The following USP7 variants were observed in gnomAD, a reference collection of about 807,000 sequenced individuals.
USP7 encodes ubiquitin specific peptidase 7, also known as ubiquitin C-terminal hydrolase 7.
A neutral mutation model predicts 162.9 loss-of-function variants in USP7; 9 were observed. That is an observed-to-expected ratio of 0.06 (90% CI 0.03 to 0.10). USP7 has a LOEUF of 0.10. USP7 is among the 10% of genes least tolerant of loss of function. USP7 has a pLI of 1.00. For missense variants in USP7, 715 were observed against 1,373.7 expected (o/e 0.52, Z 7.58); for synonymous variants, 562 against 475.9 (o/e 1.18, Z -2.35).
At chr16:8,898,678 A>T in intron 23 of USP7, 39 bp from the exon 24 acceptor site, 1 of 1,491,768 alleles carries the variant, frequency 6.7e-7, no homozygotes, top group East Asian at 2.3e-5. Context: ...TGACTTGTTT[A>T]TTTGCCTAAA....
chr16:8,903,964 C>T (rs756662094), intron 15 of USP7, among the ~76,000 whole-genome samples: 2 of 152,144 alleles, frequency 1.3e-5, no homozygotes, highest in Non-Finnish European at 1.5e-5. Context: ...AGACAGCCAA[C>T]GGTGAGATGA....
intron 1 of USP7, among the ~76,000 whole-genome samples, chr16:8,937,667 G>A (rs1038174575): frequency 6.6e-6 from 1 of 152,182 alleles, no homozygotes; most frequent in African/African-American, 2.4e-5. Context: ...GGGCAACAAA[G>A]CAAGACCCTG....
chr16:8,895,491 A>C, intron 27 of USP7, 151 bp downstream of exon 27: 1 of 760,144 alleles, frequency 1.3e-6, no homozygotes, highest in Non-Finnish European at 2.2e-6. Context: ...CTGTGCAAAA[A>C]CACTGTAGGT....
intron 1 of USP7, 45 bp downstream of exon 1, chr16:8,963,162 G>A (rs1421253210): frequency 2.2e-6 from 3 of 1,379,916 alleles, no homozygotes; most frequent in African/African-American, 3.1e-5. Context: ...CGGCCACAAT[G>A]AAAGGCGCCC....
chr16:8,893,645 G>A lies in USP7; in HGVS notation c.*353C>T. ...GCAGGGCTGGTGCACGGGACCCCAG[G>A]AAGGCAGCCGAGCCACTCGTGCCCA... On this transcript the variant is annotated 3_prime_UTR_variant, in exon 31 of 31. Coordinates refer to ENST00000344836, the MANE Select transcript of USP7 (RefSeq NM_003470.3). 4.2e-6 allele frequency: 1 copy of A among 238,460 alleles called. No individual in the cohort carries two copies. The highest frequency in any genetic ancestry group is 8.5e-6 in the Non-Finnish European group (1 of 117,838). 14.8% of individuals were successfully genotyped at this position (238,460 alleles called of 1,614,324 possible). A position where few individuals can be genotyped will look rare whatever the true frequency, so the allele number is the denominator to read the frequency against.
chr16:8,955,031 G>A (rs926524999), intron 1 of USP7, among the ~76,000 whole-genome samples: 2 of 152,176 alleles, frequency 1.3e-5, no homozygotes, highest in Non-Finnish European at 2.9e-5. Flanking sequence ...CAGCTACCAC[G>A]AGATGAATGA....
chr16:8,909,350 G>A (rs1258010385), intron 11 of USP7, among the ~76,000 whole-genome samples: 2 of 152,204 alleles, frequency 1.3e-5, no homozygotes, highest in Non-Finnish European at 2.9e-5. Flanking sequence ...ACCATGACAA[G>A]GCACACCCAT....
At chr16:8,933,943 G>A (rs1385447363) in intron 1 of USP7, among the ~76,000 whole-genome samples, 1 of 151,950 alleles carries the variant, frequency 6.6e-6, no homozygotes, top group Non-Finnish European at 1.5e-5. Context: ...TTTTAGTAGA[G>A]ACAGGGTTTC....
intron 10 of USP7, among the ~76,000 whole-genome samples, chr16:8,912,609 T>A (rs572456136): frequency 6.6e-6 from 1 of 150,838 alleles, no homozygotes; most frequent in East Asian, 2.0e-4. Context: ...CAACTATACT[T>A]AAGTCCAAAG....
rs376237187 is a variant in USP7 at position 8,894,534 on chromosome 16, G to T, written c.3202+16C>A. ...CTGAAACCCACACCAGCCCCCGGGG[G>T]GGGGAGAACCCTTACCGGGCTGTGG... On this transcript the variant is annotated intron_variant, in intron 30 of 30. Transcript: ENST00000344836. 4 of 1,609,448 alleles carry T rather than the reference G, an allele frequency of 2.5e-6. No individual in the cohort carries two copies. The highest frequency in any genetic ancestry group is 1.3e-5 in the African/African-American group (1 of 74,728).
At chr16:8,927,797 C>A (rs1352371502) in intron 2 of USP7, among the ~76,000 whole-genome samples, 1 of 152,218 alleles carries the variant, frequency 6.6e-6, no homozygotes, top group Non-Finnish European at 1.5e-5. Flanking sequence ...GATCTTGCCA[C>A]TGTACTCTAG....
At chr16:8,898,100 C>T (rs948616501) in intron 25 of USP7, among the ~76,000 whole-genome samples, 14 of 152,088 alleles carry the variant, frequency 9.2e-5, no homozygotes, top group African/African-American at 3.1e-4. Flanking sequence ...AGTGGCAATG[C>T]GCAAGCATCA....
rs1897613951 is a variant in USP7 at position 8,920,235 on chromosome 16, A to G, written c.611+124T>C. ...AAGCAGGTGTGACTCTGTGTGCCAC[A>G]GGGCAAGCGCAGAGAGGAGGCTTAC... On this transcript the variant is annotated intron_variant, in intron 5 of 30. Coordinates refer to ENST00000344836, the MANE Select transcript of USP7 (RefSeq NM_003470.3). 3 of 800,364 alleles carry G rather than the reference A, an allele frequency of 3.7e-6. No individual in the cohort carries two copies. In the Admixed American group the frequency reaches 7.8e-5, roughly 21 times the overall value. 49.6% of individuals were successfully genotyped at this position (800,364 alleles called of 1,614,324 possible).
chr16:8,963,061 G>GA, intron 1 of USP7, 146 bp downstream of exon 1: 1 of 694,340 alleles, frequency 1.4e-6, no homozygotes, highest in Non-Finnish European at 1.9e-6. Context: ...CAGCCTCGCA[G>GA]GCCGGGGCCG....
intron 10 of USP7, among the ~76,000 whole-genome samples, chr16:8,912,495 T>C (rs1596369098): frequency 6.9e-6 from 1 of 145,814 alleles, no homozygotes; most frequent in South Asian, 2.2e-4. Flanking sequence ...TTACCAAGCA[T>C]GCAAAGAAGC....
rs1329080941 is a variant in USP7, at chr16:8,963,735, C to T, written c.-450G>A. ...GGAGGCCTGGCCGGCCGCGGCGGGC[C>T]TGCGGGCCCTGGGGCCGGCGGGAGC... On this transcript the variant is annotated 5_prime_UTR_variant, in exon 1 of 31. Coordinates refer to ENST00000344836, the MANE Select transcript of USP7 (RefSeq NM_003470.3). 7.0e-6 allele frequency among the ~76,000 whole-genome samples: 1 copy of T among 142,820 alleles called. No individual in the cohort carries two copies. Among genetic ancestry groups the T allele is most frequent in the African/African-American group, 2.5e-5 (1 of 39,750 alleles). 93.7% of individuals were successfully genotyped at this position (142,820 alleles called of 152,430 possible).
chr16:8,959,208 T>C (rs1027325064), intron 1 of USP7, among the ~76,000 whole-genome samples: 1 of 152,126 alleles, frequency 6.6e-6, no homozygotes, highest in African/African-American at 2.4e-5. Context: ...GCTTAAGCAA[T>C]GTGCATTAGG....
chr16:8,914,096 A>T (rs2061993005), intron 10 of USP7, among the ~76,000 whole-genome samples: 1 of 152,132 alleles, frequency 6.6e-6, no homozygotes, highest in Non-Finnish European at 1.5e-5. Context: ...AAGGAAAAAG[A>T]AAAGAAGCCA....
rs143858324 is a variant in USP7, at chr16:8,933,970, T to G, written c.80-3573A>C. The stretch of plus-strand genomic sequence containing the variant: ...CAGGGTTTCACCATGTTGGCCAGGC[T>G]GGTCTCAAACTCATGACCTCAAGTG... On this transcript the variant is annotated intron_variant, in intron 1 of 30. Transcript: ENST00000344836. Among the ~76,000 whole-genome samples, 686 of 152,230 alleles carry G rather than the reference T, an allele frequency of 4.5e-3. 5 individuals are homozygous for G. The highest frequency in any genetic ancestry group is 0.016 in the African/African-American group (653 of 41,554).
Sources: gnomAD v4.1 joint callset for allele counts (sites outside exome capture counted in the v4.1 genomes callset) on GRCh38, gnomAD v4.1.1 for gene constraint, MANE v1.5 for transcripts, NCBI Gene and HGNC (gene_info 2026-07-23, HGNC 2026-07-21) for gene names.